Variants in AADACL3 observed in about 807,000 individuals in gnomAD.
The protein encoded by AADACL3 is arylacetamide deacetylase-like 3.
In AADACL3, 13 loss-of-function variants were observed where a neutral mutation model predicts 13.6. The observed-to-expected ratio is 0.95, with a 90% CI of 0.62 to 1.52. The LOEUF is 1.52. AADACL3 is among the 40% of genes most tolerant of loss of function. AADACL3 has a pLI of 0.00. For synonymous variants in AADACL3, 195 were observed against 197.0 expected, an observed-to-expected ratio of 0.99 and a Z score of 0.08; for missense variants, 519 against 499.2, an observed-to-expected ratio of 1.04 and a Z score of -0.38.
intron 2 of AADACL3, among the ~76,000 whole-genome samples, chr1:12,720,485 T>G (rs1648551419): frequency 6.6e-6 from 1 of 152,168 alleles, no homozygotes; most frequent in Non-Finnish European, 1.5e-5. Context: ...AGTTAGATAT[T>G]TTCATTACCC....
chr1:12,716,304 TGA>T lies in AADACL3; in HGVS notation c.132_133del (p.Arg44SerfsTer17), dbSNP rs1266204785. 1 of 1,614,154 alleles carries T rather than the reference TGA, an allele frequency of 6.2e-7. No individual in the cohort carries two copies. The highest frequency in any genetic ancestry group is 2.2e-5 in the East Asian group (1 of 44,892). On this transcript the variant is annotated frameshift_variant, in exon 1 of 4. Coordinates refer to ENST00000359318, the MANE Select transcript of AADACL3 (RefSeq NM_001103170.3). LOFTEE classifies it high-confidence loss of function. ...GCAGCGGTTGGCCACCCTGTGAAAC[TGA>T]GAGTCCTCCATTGCATCTTCCAGCT...
At chr1:12,716,472 A>G in intron 1 of AADACL3, 128 bp downstream of exon 1, 1 of 1,328,770 alleles carries the variant, frequency 7.5e-7, no homozygotes, top group Non-Finnish European at 1.1e-6. Context: ...AGCTGATCAG[A>G]CCTTCTGAAA....
intron 1 of AADACL3, among the ~76,000 whole-genome samples, chr1:12,718,118 T>C (rs550376537): frequency 2.0e-5 from 3 of 152,330 alleles, no homozygotes; most frequent in South Asian, 4.1e-4. Flanking sequence ...TTACTCTATG[T>C]GCTAGTAAGG....
intron 3 of AADACL3, among the ~76,000 whole-genome samples, chr1:12,723,864 ACTTCTGCCTCCTGGGTTCAAGGGATT>A (rs71570112): frequency 0.3 from 45,890 of 150,732 alleles, 7,224 homozygotes; most frequent in African/African-American, 0.41. Context: ...GCTCACCACA[ACTTCTGCCTCCTGGGTTCAAGGGATT>A]CTTCTGCCTC....
rs750241631 is a variant in AADACL3, at chr1:12,725,972, A to G, written c.1200A>G (p.Leu400=). The change falls in exon 4 of 4, where the codon TTA becomes TTG. Residue 400 remains leucine, a synonymous_variant. Coordinates refer to ENST00000359318, the MANE Select transcript of AADACL3 (RefSeq NM_001103170.3). ...FPCSMRILSA[L]VQFVKGL ...GCTCCATGAGAATTCTGAGTGCATT[A>G]GTTCAATTTGTAAAGGGACTGTGAC... 1.2e-6 allele frequency: 2 copies of G among 1,613,062 alleles called. No individual in the cohort carries two copies. The highest frequency in any genetic ancestry group is 1.7e-6 in the Non-Finnish European group (2 of 1,179,434).
intron 1 of AADACL3, among the ~76,000 whole-genome samples, chr1:12,717,046 C>T (rs79983604): frequency 0.011 from 1,680 of 152,262 alleles, 50 homozygotes; most frequent in East Asian, 0.11. Context: ...GTTGCCAATA[C>T]GGATTTCTTG....
Position 12,725,708 on chromosome 1 carries a change from C to T in AADACL3, c.936C>T (p.Tyr312=). The change falls in exon 4 of 4, where the codon TAC becomes TAT. Residue 312 remains tyrosine (Y), a synonymous_variant. Transcript: ENST00000359318. ...KPHEPMNEAA[Y]LEVSVVLDVM... ...ATGAGCCCATGAATGAAGCTGCTTA[C>T]TTGGAAGTAAGTGTTGTCCTGGATG... is the stretch of plus-strand genomic sequence containing the variant. 1.9e-6 allele frequency: 3 copies of T among 1,614,160 alleles called. No individual in the cohort carries two copies. Among genetic ancestry groups the T allele is most frequent in the Non-Finnish European group, 2.5e-6 (3 of 1,180,034 alleles).
intron 1 of AADACL3, 133 bp downstream of exon 1, chr1:12,716,477 C>T (rs1648438061): frequency 3.1e-6 from 4 of 1,270,628 alleles, no homozygotes; most frequent in Admixed American, 1.7e-5. Flanking sequence ...ATCAGACCTT[C>T]TGAAATGTGC....
chr1:12,727,560 T>G lies in AADACL3; in HGVS notation c.*1564T>G, dbSNP rs1457753023. ...CTCTGATCTTGGTTGGTTAGTGGTCTTTACAGGCCAAGGTCAAGGCCATTG... is the reference window on the plus strand; with the variant it reads ...CTCTGATCTTGGTTGGTTAGTGGTCGTTACAGGCCAAGGTCAAGGCCATTG... On this transcript the variant is annotated 3_prime_UTR_variant, in exon 4 of 4. Coordinates refer to ENST00000359318, the MANE Select transcript of AADACL3 (RefSeq NM_001103170.3). 3 of 152,206 alleles carry G rather than the reference T, an allele frequency of 2.0e-5. No homozygotes were observed. Among genetic ancestry groups the G allele is most frequent in the African/African-American group, 7.2e-5 (3 of 41,444 alleles). 9.4% of individuals were successfully genotyped at this position (152,206 alleles called of 1,614,324 possible). A position where few individuals can be genotyped will look rare whatever the true frequency, so the allele number is the denominator to read the frequency against.
rs186074363 is a variant in AADACL3 at position 12,720,752 on chromosome 1, C to T, written c.386-131C>T. 2.3e-4 allele frequency: 162 copies of T among 692,820 alleles called. 1 individual carries two copies. The highest frequency in any genetic ancestry group is 1.1e-3 in the Admixed American group (54 of 49,894). The allele number at this position is 692,820 out of a possible 1,614,324, so 42.9% of individuals were successfully genotyped here. The stretch of plus-strand genomic sequence containing the variant: ...AAGGAGAATCAGTGAGAAGATTGAC[C>T]GGAAGTTTGCTGGAGTAGAGGAAAA... On this transcript the variant is annotated intron_variant, in intron 2 of 3. Coordinates refer to ENST00000359318, the MANE Select transcript of AADACL3 (RefSeq NM_001103170.3).
chr1:12,719,267 G>T (rs1056988311), intron 1 of AADACL3, among the ~76,000 whole-genome samples: 1 of 152,142 alleles, frequency 6.6e-6, no homozygotes, highest in Non-Finnish European at 1.5e-5. Flanking sequence ...GGGCTGGCTG[G>T]TGCTGTGGCC....
In AADACL3 at chr1:12,725,514, T is replaced by C. The variant is rs375372067; in HGVS notation, c.742T>C (p.Phe248Leu). The change falls in exon 4 of 4, where the codon TTC becomes CTC. Residue 248 changes from phenylalanine to leucine, a missense_variant. By Grantham distance (22) the Phe-to-Leu change is conservative (BLOSUM62 0). Coordinates refer to ENST00000359318, the MANE Select transcript of AADACL3 (RefSeq NM_001103170.3). ...AAACATCCCACTGCTCACCTGGAGT[T>C]TCATCTGCTACTTTTTTTTTCAAAA... ...RKNIPLLTWS[F>L]ICYFFFQNLD... The C allele has an allele frequency of 1.1e-5, 18 of 1,614,048 alleles. No individual in the cohort carries two copies. In the African/African-American group the frequency reaches 2.0e-4, roughly 18 times the overall value.
intron 3 of AADACL3, among the ~76,000 whole-genome samples, chr1:12,721,306 G>A (rs1282850752): frequency 3.3e-5 from 5 of 152,184 alleles, no homozygotes; most frequent in African/African-American, 9.6e-5. Context: ...GGAGGCCGAG[G>A]AGGAAGAAGC....
At position 12,726,222 on chromosome 1, in the gene AADACL3, T is replaced by G; in HGVS notation, c.*226T>G. The G allele has an allele frequency of 1.8e-6, 1 of 548,466 alleles. No homozygotes were observed. Among genetic ancestry groups the G allele is most frequent in the Non-Finnish European group, 3.2e-6 (1 of 315,228 alleles). The allele number at this position is 548,466 out of a possible 1,614,324, so 34.0% of individuals were successfully genotyped here. A position where few individuals can be genotyped will look rare whatever the true frequency, so the allele number is the denominator to read the frequency against. ...GGAGGTGGGAGTGTGGCTGTCTCTA[T>G]TCTCTGTTGGGAAAACCTGGGCTGA... is the stretch of plus-strand genomic sequence containing the variant. On this transcript the variant is annotated 3_prime_UTR_variant, in exon 4 of 4. Coordinates refer to ENST00000359318, the MANE Select transcript of AADACL3 (RefSeq NM_001103170.3).
chr1:12,725,634 G>C lies in AADACL3; in HGVS notation c.862G>C (p.Glu288Gln). The change falls in exon 4 of 4, where the codon GAA (glutamate) becomes CAA (glutamine). Residue 288 changes from glutamate (E) to glutamine (Q), a missense_variant. Glu to Gln is a conservative substitution (Grantham distance 29). Transcript: ENST00000359318. The stretch of plus-strand genomic sequence containing the variant: ...AAAGTACAGAAAGTGGTTGGGCCCA[G>C]AAAACATCCCTGAGAGGTTTAAGGA... ...WEKYRKWLGP[E>Q]NIPERFKERG... The C allele has an allele frequency of 1.2e-6, 2 of 1,614,084 alleles. No homozygotes were observed. Among genetic ancestry groups the C allele is most frequent in the Non-Finnish European group, 1.7e-6 (2 of 1,180,002 alleles).
Position 12,725,679 on chromosome 1 carries a change from C to A in AADACL3, c.907C>A (p.Pro303Thr), listed in dbSNP as rs760718940. 6.2e-6 allele frequency: 10 copies of A among 1,614,134 alleles called. No homozygotes were observed. In the South Asian group the frequency reaches 1.1e-4, roughly 18 times the overall value. ...RFKERGYQLK[P>T]HEPMNEAAYL... ...TAAGGAGAGGGGTTACCAACTGAAGCCCCATGAGCCCATGAATGAAGCTGC... is the reference window on the plus strand; with the variant it reads ...TAAGGAGAGGGGTTACCAACTGAAGACCCATGAGCCCATGAATGAAGCTGC... Residue 303 changes from proline to threonine, a missense_variant, in exon 4 of 4, where the codon CCC (proline) becomes ACC (threonine). Transcript: ENST00000359318.
chr1:12,718,160 A>T lies in AADACL3; in HGVS notation c.169-1315A>T, dbSNP rs2100805931. 1.3e-5 allele frequency among the ~76,000 whole-genome samples: 2 copies of T among 152,264 alleles called. 1 individual carries two copies. Among genetic ancestry groups the T allele is most frequent in the South Asian group, 4.1e-4 (2 of 4,824 alleles). ...CTATATTATTATGACATACATTTTAATATTTTGATAAGTATATTTAAATAA... is the reference window on the plus strand; with the variant it reads ...CTATATTATTATGACATACATTTTATTATTTTGATAAGTATATTTAAATAA... On this transcript the variant is annotated intron_variant, in intron 1 of 3. Transcript: ENST00000359318.
intron 1 of AADACL3, among the ~76,000 whole-genome samples, chr1:12,717,224 C>T (rs1648456687): frequency 6.6e-6 from 1 of 152,100 alleles, no homozygotes; most frequent in Non-Finnish European, 1.5e-5. Context: ...TAGCTATTAC[C>T]TAAAAGAGAA....
At position 12,722,087 on chromosome 1, in the gene AADACL3, G is replaced by A. The variant is rs568031346; in HGVS notation, c.449+1141G>A. Among the ~76,000 whole-genome samples the A allele has an allele frequency of 2.0e-3, 306 of 152,254 alleles. 3 individuals are homozygous for A. The highest frequency in any genetic ancestry group is 0.016 in the Admixed American group (247 of 15,296). ...TGGCTCACGCTTGTAATCCCAGCAC[G>A]AGGCCAAGGTGGGTGGATCACTTGA... On this transcript the variant is annotated intron_variant, in intron 3 of 3. Coordinates refer to ENST00000359318, the MANE Select transcript of AADACL3 (RefSeq NM_001103170.3).
Sources: gnomAD v4.1 joint callset for allele counts (sites outside exome capture counted in the v4.1 genomes callset) on GRCh38, gnomAD v4.1.1 for gene constraint, MANE v1.5 for transcripts, NCBI Gene and HGNC (gene_info 2026-07-23, HGNC 2026-07-21) for gene names.